The following C12orf42 variants were observed in gnomAD, a reference collection of about 807,000 sequenced individuals.
C12orf42 encodes the protein uncharacterized protein C12orf42.
In C12orf42, 25 loss-of-function variants were observed where a neutral mutation model predicts 21.6. The ratio of observed to expected loss-of-function variants is 1.16; its 90% confidence interval spans 0.84 to 1.62. The LOEUF is 1.62. Ranked by LOEUF, C12orf42 falls within the 40% of genes most tolerant of loss-of-function variation. The probability of loss-of-function intolerance (pLI) is 0.00; values close to 1 mark genes in which losing one functional copy is unlikely to be tolerated. For missense variants in C12orf42, 483 were observed against 459.3 expected (o/e 1.05, Z -0.47); for synonymous variants, 174 against 175.0 (o/e 0.99, Z 0.05).
chr12:103,067,578 A>T, the C12orf42 span, among the ~76,000 whole-genome samples: 2 of 152,134 alleles, frequency 1.3e-5, no homozygotes, highest in African/African-American at 4.8e-5. Context: ...CCCAGGAATG[A>T]AGGGGTAGAA....
intron 2 of C12orf42, among the ~76,000 whole-genome samples, chr12:103,434,251 G>C (rs1298172555): frequency 2.0e-5 from 3 of 152,152 alleles, no homozygotes; most frequent in African/African-American, 7.2e-5. Flanking sequence ...ACTAGATCAT[G>C]AGCCATCTCT....
In C12orf42 at chr12:103,448,518, GA is replaced by G. The variant is rs201829766; in HGVS notation, c.78+29830del. Among the ~76,000 whole-genome samples the G allele has an allele frequency of 4.6e-5, 7 of 152,138 alleles. No individual in the cohort carries two copies. In the South Asian group the frequency reaches 1.5e-3, roughly 32 times the overall value. On this transcript the variant is annotated intron_variant, in intron 2 of 5. Coordinates refer to ENST00000548883, the MANE Select transcript of C12orf42 (RefSeq NM_198521.5). ...TTAAGAGAAAACCCACAGAGTGAGA[GA>G]AAATCTTCACAATCCATACATGTGA...
chr12:103,550,864 G>A, the C12orf42 span, among the ~76,000 whole-genome samples: 1 of 151,938 alleles, frequency 6.6e-6, no homozygotes, highest in Non-Finnish European at 1.5e-5. Flanking sequence ...TACACATTAT[G>A]GATATTAGCC....
intron 2 of C12orf42, among the ~76,000 whole-genome samples, chr12:103,471,306 G>A (rs147732808): frequency 6.6e-6 from 1 of 152,272 alleles, no homozygotes; most frequent in East Asian, 1.9e-4. Context: ...GGATTTTCCT[G>A]TTGGCATTAA....
chr12:103,376,100 C>T (rs1278145169), intron 3 of C12orf42, among the ~76,000 whole-genome samples: 1 of 152,120 alleles, frequency 6.6e-6, no homozygotes, highest in Non-Finnish European at 1.5e-5. Flanking sequence ...TTCCGTCTTA[C>T]TTACACACAC....
At chr12:103,273,708 G>A (rs2035596070) in intron 5 of C12orf42, 1 of 393,516 alleles carries the variant, frequency 2.5e-6, no homozygotes, top group Admixed American at 3.0e-5. Context: ...AATTACTTTA[G>A]GAAGCCAGAA....
the C12orf42 span, among the ~76,000 whole-genome samples, chr12:103,105,108 T>G: frequency 3.3e-5 from 5 of 152,108 alleles, no homozygotes; most frequent in African/African-American, 9.7e-5. Context: ...CAAAAGCAAA[T>G]GAATCCATTG....
At chr12:103,157,847 A>G in the C12orf42 span, among the ~76,000 whole-genome samples, 82 of 152,308 alleles carry the variant, frequency 5.4e-4, no homozygotes, top group African/African-American at 1.8e-3. Context: ...AAAATTTAGA[A>G]GTATTTTGTT....
chr12:103,276,964 A>T (rs2035809038), intron 5 of C12orf42, among the ~76,000 whole-genome samples: 1 of 152,216 alleles, frequency 6.6e-6, no homozygotes, highest in Non-Finnish European at 1.5e-5. Context: ...AAATATTTTT[A>T]AAAATTAGAG....
chr12:103,190,593 A>G, the C12orf42 span, among the ~76,000 whole-genome samples: 1 of 152,264 alleles, frequency 6.6e-6, no homozygotes, highest in Non-Finnish European at 1.5e-5. Flanking sequence ...CTGGAGCTAA[A>G]GAATGCAATA....
intron 2 of C12orf42, among the ~76,000 whole-genome samples, chr12:103,430,068 A>G (rs1274733628): frequency 6.6e-6 from 1 of 152,232 alleles, no homozygotes; most frequent in African/African-American, 2.4e-5. Context: ...ATGGGCAAAG[A>G]CCTCATGACT....
chr12:103,399,073 C>A (rs949811693), intron 3 of C12orf42, among the ~76,000 whole-genome samples: 1 of 151,954 alleles, frequency 6.6e-6, no homozygotes, highest in African/African-American at 2.4e-5. Context: ...ATGTTTTATA[C>A]ATTTTTCCAT....
chr12:103,310,785 A>G (rs534176785), intron 4 of C12orf42, among the ~76,000 whole-genome samples: 19 of 152,368 alleles, frequency 1.2e-4, no homozygotes, highest in African/African-American at 4.3e-4. Flanking sequence ...TTCATCTTAG[A>G]AAATGTCTAC....
At chr12:103,497,891 C>T (rs150082597), upstream of C12orf42, among the ~76,000 whole-genome samples, 119 of 152,060 alleles carry the variant, frequency 7.8e-4, no homozygotes, top group African/African-American at 2.6e-3. Context: ...AAAAATTAGC[C>T]GGGTGTGGTG....
intron 4 of C12orf42, among the ~76,000 whole-genome samples, chr12:103,278,770 A>G (rs2035929795): frequency 6.6e-6 from 1 of 152,272 alleles, no homozygotes; most frequent in South Asian, 2.1e-4. Context: ...TTCCTTCCAA[A>G]GAATCTAATA....
chr12:103,400,255 G>A (rs996810254), intron 3 of C12orf42, among the ~76,000 whole-genome samples: 7 of 152,164 alleles, frequency 4.6e-5, no homozygotes, highest in Non-Finnish European at 7.4e-5. Context: ...CACCCAGGGG[G>A]CACTGGTCTG....
At chr12:103,484,568 G>A (rs1954693446) in intron 1 of C12orf42, among the ~76,000 whole-genome samples, 1 of 152,152 alleles carries the variant, frequency 6.6e-6, no homozygotes, top group Non-Finnish European at 1.5e-5. Context: ...CCCCTTGTCA[G>A]ATGGGTAGAT....
At chr12:103,286,488 T>C (rs2036469050) in intron 4 of C12orf42, among the ~76,000 whole-genome samples, 2 of 151,404 alleles carry the variant, frequency 1.3e-5, no homozygotes, top group South Asian at 4.2e-4. Context: ...AATAATATCA[T>C]AGTAACCGAC....
the C12orf42 span, among the ~76,000 whole-genome samples, chr12:103,051,701 T>G: frequency 2.6e-5 from 4 of 152,072 alleles, no homozygotes; most frequent in East Asian, 7.8e-4. Flanking sequence ...TTTTGGGGAG[T>G]GTAAGCCCTT....
Sources: gnomAD v4.1 joint callset for allele counts (sites outside exome capture counted in the v4.1 genomes callset) on GRCh38, gnomAD v4.1.1 for gene constraint, MANE v1.5 for transcripts, NCBI Gene and HGNC (gene_info 2026-07-23, HGNC 2026-07-21) for gene names.